Variants in ADGRL2 observed in about 807,000 individuals in gnomAD.
ADGRL2 encodes adhesion G protein-coupled receptor L2, also known as calcium-independent alpha-latrotoxin receptor 2.
ADGRL2 carries 44 observed loss-of-function variants against 157.4 expected under a neutral mutation model. That is an observed-to-expected ratio of 0.28 (90% CI 0.22 to 0.36). ADGRL2 has a LOEUF of 0.36. Ranked by LOEUF, ADGRL2 falls within the 10% of genes least tolerant of loss-of-function variation. The pLI, the probability that ADGRL2 is intolerant of heterozygous loss-of-function variation, is 1.00. For synonymous variants in ADGRL2, 585 were observed against 624.7 expected (o/e 0.94, Z 0.95); for missense variants, 1,510 against 1,768.9 (o/e 0.85, Z 2.63).
rs143502028 is a variant in ADGRL2 at position 81,732,320 on chromosome 1, G to A, written c.-142-29491G>A. Among the ~76,000 whole-genome samples the A allele has an allele frequency of 1.9e-3, 282 of 152,272 alleles. 1 individual carries two copies. The highest frequency in any genetic ancestry group is 3.4e-3 in the Middle Eastern group (1 of 294). On this transcript the variant is annotated intron_variant, in intron 1 of 20. Coordinates refer to the ADGRL2 transcript ENST00000359929. ...ACATATCTCAACAATAAATATATTT[G>A]AAATTATACTTGTCAGAGAAAAGCT... is the stretch of plus-strand genomic sequence containing the variant.
At chr1:81,480,077 C>T (rs1288158114) in intron 2 of ADGRL2, among the ~76,000 whole-genome samples, 1 of 152,102 alleles carries the variant, frequency 6.6e-6, no homozygotes, top group Non-Finnish European at 1.5e-5. Flanking sequence ...AGGTCTCAAG[C>T]CTAGTCTCTG....
At chr1:81,748,488 A>AAAAG (rs1488783743) in intron 1 of ADGRL2, among the ~76,000 whole-genome samples, 21 of 150,592 alleles carry the variant, frequency 1.4e-4, no homozygotes, top group Non-Finnish European at 2.2e-4. Flanking sequence ...AAAAAAAAAA[A>AAAAG]AAAGAAAGAA....
intron 3 of ADGRL2, 66 bp from the exon 4 acceptor site, chr1:81,936,662 G>A: frequency 5.4e-6 from 5 of 925,338 alleles, no homozygotes; most frequent in Non-Finnish European, 8.3e-6. Flanking sequence ...AAACTTCTAT[G>A]TTATATTTAA....
intron 2 of ADGRL2, among the ~76,000 whole-genome samples, chr1:81,528,940 T>G (rs1307957571): frequency 6.6e-6 from 1 of 152,044 alleles, no homozygotes; most frequent in African/African-American, 2.4e-5. Flanking sequence ...TCCAGAGAAG[T>G]AAGAAGGGTG....
intron 1 of ADGRL2, chr1:81,721,758 T>C: frequency 1.4e-6 from 2 of 1,410,258 alleles, no homozygotes; most frequent in Non-Finnish European, 2.0e-6. Flanking sequence ...CCGAGCATTC[T>C]GCACACCGAG....
At chr1:81,869,969 A>T (rs2093650012) in intron 2 of ADGRL2, among the ~76,000 whole-genome samples, 1 of 152,084 alleles carries the variant, frequency 6.6e-6, no homozygotes, top group South Asian at 2.1e-4. Context: ...AGTGCTATAT[A>T]TCATGTCAAA....
chr1:81,965,418 G>A (rs1656765321), intron 11 of ADGRL2, among the ~76,000 whole-genome samples: 1 of 152,166 alleles, frequency 6.6e-6, no homozygotes, highest in Non-Finnish European at 1.5e-5. Flanking sequence ...TGTAAAGACT[G>A]ATGGTTACTA....
Position 81,943,423 on chromosome 1 carries a change from A to G in ADGRL2, c.864A>G (p.Gly288=), listed in dbSNP as rs747453681. Residue 288 remains glycine (G), a synonymous_variant, in exon 6 of 24, where the codon GGA becomes GGG. Transcript: ENST00000686636. The surrounding 1 kb of genome is among the most constrained non-coding windows in gnomAD (Gnocchi z 5.6). ...WVIYATEQNN[G]MIVISQLNPY... ...TTTACGCCACTGAACAGAACAATGG[A>G]ATGATAGTTATTAGCCAGCTGAATC... is the stretch of plus-strand genomic sequence containing the variant. 2.7e-5 allele frequency: 44 copies of G among 1,613,606 alleles called. 1 individual carries two copies. The South Asian group carries it at 4.7e-4, about 17-fold the overall frequency.
intron 3 of ADGRL2, among the ~76,000 whole-genome samples, chr1:81,594,019 G>T (rs943773817): frequency 1.3e-5 from 2 of 152,116 alleles, no homozygotes; most frequent in Non-Finnish European, 2.9e-5. Context: ...AACACATAAA[G>T]AATATTGTTT....
At chr1:81,676,157 A>G (rs989338595) in intron 3 of ADGRL2, among the ~76,000 whole-genome samples, 12 of 152,172 alleles carry the variant, frequency 7.9e-5, no homozygotes, top group African/African-American at 2.6e-4. Context: ...ACCCGCCACC[A>G]TGCCACCATG....
chr1:81,534,131 T>C (rs1286602441), intron 2 of ADGRL2, among the ~76,000 whole-genome samples: 1 of 152,098 alleles, frequency 6.6e-6, no homozygotes, highest in Non-Finnish European at 1.5e-5. Flanking sequence ...TACAAGTTAT[T>C]TTATTTTATT....
rs557802149 is a variant in ADGRL2, at chr1:81,377,041, T to C, written c.-301-67995T>C. ...CATCTCTCCAAAAAAAATTTTTTTT[T>C]AATTAGCTGGGCATGGTGGCACGCA... On this transcript the variant is annotated intron_variant, in intron 1 of 24. Transcript: ENST00000370721. Among the ~76,000 whole-genome samples the C allele has an allele frequency of 2.5e-3, 381 of 152,054 alleles. 5 individuals are homozygous for C. Among genetic ancestry groups the C allele is most frequent in the Non-Finnish European group, 4.4e-3 (299 of 68,004 alleles).
chr1:81,940,763 G>A (rs1362029670), intron 4 of ADGRL2, among the ~76,000 whole-genome samples: 1 of 151,520 alleles, frequency 6.6e-6, no homozygotes, highest in Non-Finnish European at 1.5e-5. Context: ...AGAAAAGGGA[G>A]AAACAGACAT....
intron 1 of ADGRL2, among the ~76,000 whole-genome samples, chr1:81,392,900 A>AT (rs1191353592): frequency 6.6e-6 from 1 of 152,078 alleles, no homozygotes; most frequent in African/African-American, 2.4e-5. Context: ...TTGATTCACA[A>AT]TGTTTTTCTG....
intron 1 of ADGRL2, among the ~76,000 whole-genome samples, chr1:81,810,967 G>T (rs2089796977): frequency 6.6e-6 from 1 of 151,772 alleles, no homozygotes. Flanking sequence ...CCTCTTGATA[G>T]CTCAATAGAT....
intron 1 of ADGRL2, among the ~76,000 whole-genome samples, chr1:81,343,348 C>T (rs370507531): frequency 1.4e-3 from 210 of 152,128 alleles, no homozygotes; most frequent in African/African-American, 4.8e-3. Context: ...CCTCAGCCTC[C>T]CAAAGTACTG....
At chr1:81,444,626 G>A (rs1006001507) in intron 1 of ADGRL2, among the ~76,000 whole-genome samples, 4 of 152,102 alleles carry the variant, frequency 2.6e-5, no homozygotes, top group Non-Finnish European at 5.9e-5. Context: ...CTTTCCAATG[G>A]TTGGCCTGCA....
At chr1:81,897,980 C>T (rs1488216374) in intron 2 of ADGRL2, among the ~76,000 whole-genome samples, 1 of 152,102 alleles carries the variant, frequency 6.6e-6, no homozygotes, top group East Asian at 1.9e-4. Flanking sequence ...AGCCTGCAGT[C>T]CTAACTACTC....
At chr1:81,644,803 A>G (rs2082282694) in intron 3 of ADGRL2, among the ~76,000 whole-genome samples, 2 of 152,204 alleles carry the variant, frequency 1.3e-5, no homozygotes, top group Non-Finnish European at 2.9e-5. Context: ...ATGTGGGAGT[A>G]TAGGAAGGTA....
Sources: gnomAD v4.1 joint callset for allele counts (sites outside exome capture counted in the v4.1 genomes callset) on GRCh38, gnomAD v4.1.1 for gene constraint, Gnocchi (gnomAD v3.1) non-coding constraint, MANE v1.5 for transcripts, NCBI Gene and HGNC (gene_info 2026-07-23, HGNC 2026-07-21) for gene names.